GARIN3: variants seen among roughly 807,000 people sequenced by gnomAD.
GARIN3 encodes Golgi-associated RAB2 interactor protein 3.
chr5:157,165,952 C>T, the GARIN3 span: 5 of 1,614,022 alleles, frequency 3.1e-6, no homozygotes, highest in African/African-American at 4.0e-5. Context: ...CAGACGATGC[C>T]CACTGTCACC....
the GARIN3 span, chr5:157,165,922 G>A: frequency 8.7e-6 from 14 of 1,614,116 alleles, no homozygotes; most frequent in Admixed American, 1.5e-4. Context: ...ACGTCAGGCA[G>A]TGGGAGGATG....
At chr5:157,163,951 G>A in the GARIN3 span, among the ~76,000 whole-genome samples, 669 of 152,210 alleles carry the variant, frequency 4.4e-3, 1 homozygote, top group Non-Finnish European at 7.1e-3. Flanking sequence ...CAGCTACTCA[G>A]TAGGCTGAGG....
At chr5:157,165,528 C>G in the GARIN3 span, 1 of 1,568,010 alleles carries the variant, frequency 6.4e-7, no homozygotes, top group Admixed American at 1.8e-5. Flanking sequence ...CCCCAAAGAA[C>G]CTGCCCCATG....
At chr5:157,163,798 G>A in the GARIN3 span, 3 of 1,141,996 alleles carry the variant, frequency 2.6e-6, no homozygotes, top group Non-Finnish European at 1.2e-6. Flanking sequence ...GCTCACGCCT[G>A]TAATCCCAAC....
the GARIN3 span, chr5:157,166,255 C>T: frequency 2.2e-4 from 334 of 1,523,406 alleles, 1 homozygote; most frequent in South Asian, 4.7e-4. Context: ...CATCTCCCTA[C>T]AGGACTTCTG....
At chr5:157,162,157 A>G in the GARIN3 span, 1 of 432,110 alleles carries the variant, frequency 2.3e-6, no homozygotes, top group Non-Finnish European at 4.1e-6. Context: ...TCGGGGAAGC[A>G]AAAGGGATTG....
chr5:157,162,921 C>G, the GARIN3 span: 1 of 1,614,210 alleles, frequency 6.2e-7, no homozygotes, highest in Non-Finnish European at 8.5e-7. Flanking sequence ...TTTCACCTGC[C>G]TTGCGGTGAT....
the GARIN3 span, chr5:157,165,481 G>A: frequency 7.9e-6 from 12 of 1,516,452 alleles, no homozygotes; most frequent in African/African-American, 1.1e-4. Flanking sequence ...GCCTCAGAAG[G>A]CACCAAAGGC....
the GARIN3 span, chr5:157,163,430 T>A: frequency 6.2e-7 from 1 of 1,614,122 alleles, no homozygotes; most frequent in Non-Finnish European, 8.5e-7. Context: ...ACATCTGTTC[T>A]AGGTCCTGTT....
chr5:157,162,459 G>T, the GARIN3 span: 10 of 1,613,572 alleles, frequency 6.2e-6, no homozygotes, highest in Non-Finnish European at 8.5e-6. Flanking sequence ...AAATGGATTT[G>T]GTTTCAAAGA....
the GARIN3 span, chr5:157,165,743 C>T: frequency 6.2e-7 from 1 of 1,614,160 alleles, no homozygotes; most frequent in Non-Finnish European, 8.5e-7. Flanking sequence ...TGGCGAGTTT[C>T]AGGCGCAGCT....
At chr5:157,165,844 T>G in the GARIN3 span, 1 of 1,613,952 alleles carries the variant, frequency 6.2e-7, no homozygotes, top group African/African-American at 1.3e-5. Context: ...CTGCGACCTC[T>G]CCCCTTGGCA....
the GARIN3 span, chr5:157,162,835 C>T: frequency 6.2e-7 from 1 of 1,614,134 alleles, no homozygotes; most frequent in African/African-American, 1.3e-5. Flanking sequence ...TTTGTCATCT[C>T]TCGTGTTTTT....
At chr5:157,162,759 G>C in the GARIN3 span, 2 of 1,614,200 alleles carry the variant, frequency 1.2e-6, no homozygotes, top group Non-Finnish European at 1.7e-6. Flanking sequence ...TGGTGGAGCT[G>C]TGGGTGGAGC....
the GARIN3 span, among the ~76,000 whole-genome samples, chr5:157,164,697 A>C: frequency 6.6e-6 from 1 of 152,212 alleles, no homozygotes; most frequent in South Asian, 2.1e-4. Flanking sequence ...GTGCACGTGC[A>C]TACACACACA....
chr5:157,162,724 T>C, the GARIN3 span: 3 of 1,614,116 alleles, frequency 1.9e-6, no homozygotes, highest in Non-Finnish European at 2.5e-6. Context: ...CTTCCCCAGT[T>C]CCTGAGTTGT....
chr5:157,163,458 C>T, the GARIN3 span: 1 of 1,614,220 alleles, frequency 6.2e-7, no homozygotes, highest in Non-Finnish European at 8.5e-7. Context: ...CTGCCACTGC[C>T]ATGCCACCTG....
chr5:157,162,235 A>G, the GARIN3 span: 1 of 680,278 alleles, frequency 1.5e-6, no homozygotes, highest in African/African-American at 1.8e-5. Context: ...ACTTGCCTGG[A>G]GGCTGGGGTC....
chr5:157,162,349 CGATT>C, the GARIN3 span: 534 of 1,484,120 alleles, frequency 3.6e-4, 1 homozygote, highest in Non-Finnish European at 3.6e-4. Flanking sequence ...TGGAGTTGTA[CGATT>C]TCCTTTATTA....
Sources: gnomAD v4.1 joint callset for allele counts (sites outside exome capture counted in the v4.1 genomes callset) on GRCh38, gnomAD v4.1.1 for gene constraint, MANE v1.5 for transcripts, NCBI Gene and HGNC (gene_info 2026-07-23, HGNC 2026-07-21) for gene names.